Variants in PITPNM3 observed in about 807,000 individuals in gnomAD.
The protein encoded by PITPNM3 is PITPNM family member 3, also known as membrane-associated phosphatidylinositol transfer protein 3.
Under a neutral mutation model 102.0 loss-of-function variants are expected in PITPNM3, and 26 were observed. The observed-to-expected ratio is 0.25, with a 90% CI of 0.19 to 0.35. The LOEUF (loss-of-function observed/expected upper bound fraction) is 0.35, where lower values mean the gene tolerates loss of function less well. Ranked by LOEUF, PITPNM3 falls within the 10% of genes least tolerant of loss-of-function variation. The probability of loss-of-function intolerance (pLI) is 1.00; values close to 1 mark genes in which losing one functional copy is unlikely to be tolerated. For synonymous variants in PITPNM3, 578 were observed against 558.6 expected, an observed-to-expected ratio of 1.03 and a Z score of -0.49; for missense variants, 1,083 against 1,346.1, an observed-to-expected ratio of 0.80 and a Z score of 3.06.
At chr17:6,544,066 AG>A (rs1909875933) in intron 1 of PITPNM3, among the ~76,000 whole-genome samples, 1 of 152,208 alleles carries the variant, frequency 6.6e-6, no homozygotes, top group Admixed American at 6.5e-5. Context: ...ACCTCCAGGG[AG>A]GAACAGGTGC....
intron 6 of PITPNM3, chr17:6,479,766 A>G (rs1377246300): frequency 6.6e-6 from 1 of 152,240 alleles, no homozygotes; most frequent in Non-Finnish European, 1.5e-5. Context: ...TCCAAAGAAC[A>G]CAAATTAGAG....
rs574378625 is a variant in PITPNM3, at chr17:6,466,018, G to C, written c.1891-1247C>G. Among the ~76,000 whole-genome samples the C allele has an allele frequency of 6.6e-4, 101 of 152,330 alleles. 2 individuals carry two copies. In the South Asian group the frequency reaches 0.02, roughly 30 times the overall value. ...CGGGCTCCCCACTGCCCTCTGCGTA[G>C]AGTCCGGAACCTGAGCTTAGCTTTC... is the stretch of plus-strand genomic sequence containing the variant. On this transcript the variant is annotated intron_variant, in intron 14 of 19. Coordinates refer to ENST00000262483, the MANE Select transcript of PITPNM3 (RefSeq NM_031220.4).
At position 6,455,517 on chromosome 17, in the gene PITPNM3, A is replaced by T. The variant is rs750289060; in HGVS notation, c.2746T>A (p.Phe916Ile). The T allele has an allele frequency of 6.2e-7, 1 of 1,604,768 alleles. No individual in the cohort carries two copies. Among genetic ancestry groups the T allele is most frequent in the Non-Finnish European group, 8.5e-7 (1 of 1,179,352 alleles). Residue 916 changes from phenylalanine to isoleucine, a missense_variant, in exon 20 of 20, where the codon TTC becomes ATC. This residue lies in a region of PITPNM3 where 208 missense variants were observed against 178.2 expected (regional missense o/e 1.17). Coordinates refer to ENST00000262483, the MANE Select transcript of PITPNM3 (RefSeq NM_031220.4). ...GSFGLHAQPEFLRKRNHLRRT... is the reference protein window; with the variant it reads ...GSFGLHAQPEILRKRNHLRRT... ...CGCAGGTGGTTGCGCTTCCGCAGGA[A>T]CTCTGGCTGCGCGTGCAGCCCGAAG...
At chr17:6,474,740 C>T in intron 9 of PITPNM3, 136 bp from the exon 10 acceptor site, 1 of 1,057,006 alleles carries the variant, frequency 9.5e-7, no homozygotes, top group South Asian at 1.6e-5. Flanking sequence ...GCTGAGAGTC[C>T]ACCGGCTGCA....
In PITPNM3 at chr17:6,537,646, G is replaced by A. The variant is rs1909511307; in HGVS notation, c.118+341C>T. 2.0e-5 allele frequency among the ~76,000 whole-genome samples: 3 copies of A among 152,166 alleles called. No homozygotes were observed. The South Asian group carries it at 6.2e-4, about 31-fold the overall frequency. ...TTAGCAGCGGCACTTTTACTTAGTG[G>A]CGATGGTCCCCATTCGTCATTGTAT... is the stretch of plus-strand genomic sequence containing the variant. On this transcript the variant is annotated intron_variant, in intron 2 of 19. Coordinates refer to ENST00000262483, the MANE Select transcript of PITPNM3 (RefSeq NM_031220.4). The surrounding 1 kb of genome is among the most constrained non-coding windows in gnomAD (Gnocchi z 4.4).
intron 2 of PITPNM3, among the ~76,000 whole-genome samples, chr17:6,528,142 GTC>G (rs1239804079): frequency 6.6e-6 from 1 of 152,142 alleles, no homozygotes; most frequent in Non-Finnish European, 1.5e-5. Context: ...ATGGGTCTGT[GTC>G]TCTCTTGGTC....
chr17:6,455,649 GAGGGCAGGGGAGGGCAGGGGAGGGC>G lies in PITPNM3; in HGVS notation c.2620-31_2620-7del. The G allele has an allele frequency of 8.3e-7, 1 of 1,211,412 alleles. No individual in the cohort carries two copies. The highest frequency in any genetic ancestry group is 1.1e-6 in the Non-Finnish European group (1 of 921,690). The allele number at this position is 1,211,412 out of a possible 1,614,324, so 75.0% of individuals were successfully genotyped here. ...GCGTAGCCCTCGCTCAGGAACTGCG[GAGGGCAGGGGAGGGCAGGGGAGGGC>G]AGGGCAGGGCAGCAGCGCAGGGGGA... On this transcript the variant is annotated splice_polypyrimidine_tract_variant and splice_region_variant and intron_variant, in intron 19 of 19. Coordinates refer to ENST00000262483, the MANE Select transcript of PITPNM3 (RefSeq NM_031220.4).
chr17:6,517,663 A>C lies in PITPNM3; in HGVS notation c.226+7693T>G, dbSNP rs1425639891. Among the ~76,000 whole-genome samples the C allele has an allele frequency of 6.6e-6, 1 of 152,164 alleles. No individual in the cohort carries two copies. Among genetic ancestry groups the C allele is most frequent in the South Asian group, 2.1e-4 (1 of 4,812 alleles). ...CAGCCTTAACCTCCTGGGTTCAAGC[A>C]ACCCTCTCACCTCAGCCTCCAGAAT... On this transcript the variant is annotated intron_variant, in intron 3 of 19. Coordinates refer to ENST00000262483, the MANE Select transcript of PITPNM3 (RefSeq NM_031220.4). This position sits in a 1 kb window ranked among gnomAD's most constrained non-coding sequence, Gnocchi z 4.1.
At position 6,478,861 on chromosome 17, in the gene PITPNM3, G is replaced by T; in HGVS notation, c.588-125C>A. Reference sequence around the variant, plus strand: ...TTGGGCTCCAGGGACCCTTCAGGAAGACCCAGGCAGGAGCCTGGTGACACA... The same window carrying T: ...TTGGGCTCCAGGGACCCTTCAGGAATACCCAGGCAGGAGCCTGGTGACACA... On this transcript the variant is annotated intron_variant, in intron 6 of 19. Coordinates refer to ENST00000262483, the MANE Select transcript of PITPNM3 (RefSeq NM_031220.4). This position sits in a 1 kb window ranked among gnomAD's most constrained non-coding sequence, Gnocchi z 4.4. The T allele has an allele frequency of 1.0e-6, 1 of 953,092 alleles. No individual in the cohort carries two copies. Among genetic ancestry groups the T allele is most frequent in the Non-Finnish European group, 1.5e-6 (1 of 652,302 alleles). The allele number at this position is 953,092 out of a possible 1,614,324, so 59.0% of individuals were successfully genotyped here.
rs1904442660 is a variant in PITPNM3 at position 6,461,382 on chromosome 17, G to A, written c.2481C>T (p.Leu827=). ...CAGGATGGCCACTCACCTCCTGCAT[G>A]AGGTTGCGCAGGAAGATGGCCTTCT... ...LRQKAIFLRN[L]MQECFIKISA... is the part of the protein sequence containing the mutation. Residue 827 remains leucine (L), a synonymous_variant, in exon 18 of 20, where the codon CTC becomes CTT. Coordinates refer to ENST00000262483, the MANE Select transcript of PITPNM3 (RefSeq NM_031220.4). 1.2e-6 allele frequency: 2 copies of A among 1,613,964 alleles called. No individual in the cohort carries two copies. Among genetic ancestry groups the A allele is most frequent in the South Asian group, 2.2e-5 (2 of 91,094 alleles).
chr17:6,515,124 G>A (rs1161274530), intron 3 of PITPNM3, among the ~76,000 whole-genome samples: 1 of 152,146 alleles, frequency 6.6e-6, no homozygotes, highest in Non-Finnish European at 1.5e-5. Context: ...GGCCGGGCAT[G>A]GTGGCTCATG....
chr17:6,471,360 AG>A lies in PITPNM3; in HGVS notation c.1430-6del. Reference sequence around the variant, plus strand: ...TGTGGGTGTGTAGGGCATCAGCTGGAGGGGGAATTTCAAGGTCAGGCTGAGT... The same window carrying A: ...TGTGGGTGTGTAGGGCATCAGCTGGAGGGGAATTTCAAGGTCAGGCTGAGT... On this transcript the variant is annotated splice_polypyrimidine_tract_variant and splice_region_variant and intron_variant, in intron 11 of 19. Coordinates refer to ENST00000262483, the MANE Select transcript of PITPNM3 (RefSeq NM_031220.4). 1 of 1,580,966 alleles carries A rather than the reference AG, an allele frequency of 6.3e-7. No individual in the cohort carries two copies. The highest frequency in any genetic ancestry group is 8.6e-7 in the Non-Finnish European group (1 of 1,165,520).
rs377141723 is a variant in PITPNM3, at chr17:6,516,584, G to C, written c.226+8772C>G. Among the ~76,000 whole-genome samples, 503 of 140,494 alleles carry C rather than the reference G, an allele frequency of 3.6e-3. 5 individuals carry two copies. The highest frequency in any genetic ancestry group is 0.012 in the African/African-American group (471 of 38,102). 92.2% of individuals were successfully genotyped at this position (140,494 alleles called of 152,430 possible). A position where few individuals can be genotyped will look rare whatever the true frequency, so the allele number is the denominator to read the frequency against. On this transcript the variant is annotated intron_variant, in intron 3 of 19. Coordinates refer to ENST00000262483, the MANE Select transcript of PITPNM3 (RefSeq NM_031220.4). The stretch of plus-strand genomic sequence containing the variant: ...GCCTCAAAAAAAAAAAAAAAACAAA[G>C]AAAGAAAGAAATACTTGAAGAAATC...
rs936241260 is a variant in PITPNM3, at chr17:6,454,584, C to G, written c.*754G>C. ...ACCAGCTCAGGGGCTCACAGCCAGC[C>G]CAGCTGAGCCAGAGCCCAAGGCTGC... is the stretch of plus-strand genomic sequence containing the variant. On this transcript the variant is annotated 3_prime_UTR_variant, in exon 20 of 20. Transcript: ENST00000262483. 6.6e-6 allele frequency: 1 copy of G among 152,306 alleles called. No homozygotes were observed. Among genetic ancestry groups the G allele is most frequent in the African/African-American group, 2.4e-5 (1 of 41,472 alleles). The allele number at this position is 152,306 out of a possible 1,614,324, so 9.4% of individuals were successfully genotyped here. A position where few individuals can be genotyped will look rare whatever the true frequency, so the allele number is the denominator to read the frequency against.
At chr17:6,467,761 C>T (rs1904860736) in intron 14 of PITPNM3, among the ~76,000 whole-genome samples, 1 of 152,216 alleles carries the variant, frequency 6.6e-6, no homozygotes, top group Non-Finnish European at 1.5e-5. Context: ...ATTCATCCTT[C>T]AATACCCCAC....
intron 1 of PITPNM3, among the ~76,000 whole-genome samples, chr17:6,549,606 C>T (rs543300909): frequency 5.9e-5 from 9 of 152,310 alleles, no homozygotes; most frequent in Non-Finnish European, 1.0e-4. Flanking sequence ...CTGGAGGTGG[C>T]ATTTACCTCC....
At chr17:6,519,038 T>C (rs1314274771) in intron 3 of PITPNM3, among the ~76,000 whole-genome samples, 1 of 152,078 alleles carries the variant, frequency 6.6e-6, no homozygotes, top group Non-Finnish European at 1.5e-5. Flanking sequence ...GGCAAAAATA[T>C]AACTGTTAAG....
chr17:6,497,888 T>A (rs1055859094), intron 4 of PITPNM3, among the ~76,000 whole-genome samples: 1 of 152,202 alleles, frequency 6.6e-6, no homozygotes, highest in South Asian at 2.1e-4. Flanking sequence ...CAACTCGCAC[T>A]TTCCCAGCCT....
Position 6,478,126 on chromosome 17 carries a change from C to A in PITPNM3, c.778-29G>T. The A allele has an allele frequency of 2.5e-6, 4 of 1,611,784 alleles. No homozygotes were observed. Among genetic ancestry groups the A allele is most frequent in the Non-Finnish European group, 3.4e-6 (4 of 1,180,002 alleles). On this transcript the variant is annotated intron_variant, in intron 7 of 19. Coordinates refer to ENST00000262483, the MANE Select transcript of PITPNM3 (RefSeq NM_031220.4). The surrounding 1 kb of genome is among the most constrained non-coding windows in gnomAD (Gnocchi z 4.4). Reference sequence around the variant, plus strand: ...GAAGAGATGCAGCTGGGACTGCAGGCCTGCCCACTGCTGACCCCTCACCCC... The same window carrying A: ...GAAGAGATGCAGCTGGGACTGCAGGACTGCCCACTGCTGACCCCTCACCCC...
Sources: allele counts gnomAD v4.1 joint callset (sites outside exome capture counted in the v4.1 genomes callset), GRCh38; gene constraint gnomAD v4.1.1; regional missense constraint gnomAD v4.1.1; non-coding constraint Gnocchi (gnomAD v3.1); transcripts MANE v1.5; gene names NCBI Gene and HGNC (gene_info 2026-07-23, HGNC 2026-07-21).